NTM: variants seen among roughly 807,000 people sequenced by gnomAD.
NTM encodes IgLON family member 2.
Under a neutral mutation model 42.1 loss-of-function variants are expected in NTM, and 13 were observed. That is an observed-to-expected ratio of 0.31 (90% confidence interval 0.20 to 0.49). The LOEUF (loss-of-function observed/expected upper bound fraction) is 0.49, where lower values mean the gene tolerates loss of function less well. Among genes scored for constraint, NTM ranks in the 20% least tolerant of loss-of-function variants. NTM has a pLI of 0.99. For missense variants in NTM, 373 were observed against 452.8 expected, an observed-to-expected ratio of 0.82 and a Z score of 1.60; for synonymous variants, 187 against 179.2, an observed-to-expected ratio of 1.04 and a Z score of -0.35.
intron 1 of NTM, among the ~76,000 whole-genome samples, chr11:131,847,910 A>G (rs986600362): frequency 6.6e-6 from 1 of 152,130 alleles, no homozygotes; most frequent in Non-Finnish European, 1.5e-5. Flanking sequence ...AGTTGACGAG[A>G]TTTAAAATTA....
At chr11:132,093,535 C>T (rs1322080844) in intron 2 of NTM, among the ~76,000 whole-genome samples, 1 of 152,228 alleles carries the variant, frequency 6.6e-6, no homozygotes, top group Non-Finnish European at 1.5e-5. Flanking sequence ...GCACTTTAGA[C>T]ATCAACCACC....
At chr11:131,531,154 T>G (rs909965364) in intron 1 of NTM, among the ~76,000 whole-genome samples, 1 of 152,246 alleles carries the variant, frequency 6.6e-6, no homozygotes, top group Non-Finnish European at 1.5e-5. Flanking sequence ...TTTAATTCTT[T>G]TAGACAGGAT....
chr11:131,505,261 C>A (rs966177178), intron 1 of NTM, among the ~76,000 whole-genome samples: 1 of 152,124 alleles, frequency 6.6e-6, no homozygotes, highest in Non-Finnish European at 1.5e-5. Context: ...TGGTAACTAT[C>A]AAACAAGTAA....
chr11:132,073,945 G>C (rs2058034894), intron 2 of NTM, among the ~76,000 whole-genome samples: 1 of 152,114 alleles, frequency 6.6e-6, no homozygotes, highest in African/African-American at 2.4e-5. Flanking sequence ...GTCTGCTAAG[G>C]GGCTTCTTTC....
chr11:131,484,194 G>T (rs1453622158), intron 1 of NTM, among the ~76,000 whole-genome samples: 3 of 152,102 alleles, frequency 2.0e-5, no homozygotes, highest in Non-Finnish European at 4.4e-5. Flanking sequence ...TAAGTGTCCT[G>T]TCTCTACACA....
At chr11:131,528,807 G>A (rs2875369) in intron 1 of NTM, among the ~76,000 whole-genome samples, 1,835 of 152,314 alleles carry the variant, frequency 0.012, 20 homozygotes, top group Non-Finnish European at 0.019. Context: ...GCCTATGACT[G>A]TAGCTTATAT....
At chr11:132,082,977 C>A (rs1310848854) in intron 2 of NTM, among the ~76,000 whole-genome samples, 1 of 152,166 alleles carries the variant, frequency 6.6e-6, no homozygotes, top group Non-Finnish European at 1.5e-5. Flanking sequence ...GATTTGGGTG[C>A]ATGGCCCTTG....
intron 2 of NTM, among the ~76,000 whole-genome samples, chr11:132,085,030 C>T (rs1251161104): frequency 2.6e-5 from 4 of 152,162 alleles, no homozygotes; most frequent in Non-Finnish European, 5.9e-5. Flanking sequence ...TTTCAATGCT[C>T]AATTTACAGA....
Position 131,898,112 on chromosome 11 carries a change from A to G in NTM, c.83-13452A>G, listed in dbSNP as rs1451629328. Among the ~76,000 whole-genome samples, 6 of 152,278 alleles carry G rather than the reference A, an allele frequency of 3.9e-5. No homozygotes were observed. The South Asian group carries it at 1.2e-3, about 32-fold the overall frequency. On this transcript the variant is annotated intron_variant, in intron 1 of 8. Transcript: ENST00000683400. ...GGGATCAAAGTGGATTTGTTATGAG[A>G]GTGTGGTTAGCTATCTCTCCTAAGA... is the stretch of plus-strand genomic sequence containing the variant.
At chr11:131,517,001 G>A (rs1316392910) in intron 1 of NTM, among the ~76,000 whole-genome samples, 1 of 152,184 alleles carries the variant, frequency 6.6e-6, no homozygotes, top group Non-Finnish European at 1.5e-5. Context: ...GATGGGCATG[G>A]GGGAAGGGTC....
intron 1 of NTM, among the ~76,000 whole-genome samples, chr11:131,638,525 CA>C (rs2064711941): frequency 7.4e-6 from 1 of 135,476 alleles, no homozygotes; most frequent in African/African-American, 2.8e-5. Flanking sequence ...GAGATTGCAC[CA>C]TTGCATTCCA....
intron 4 of NTM, among the ~76,000 whole-genome samples, chr11:132,271,314 T>C (rs1470068661): frequency 6.6e-6 from 1 of 152,200 alleles, no homozygotes; most frequent in Non-Finnish European, 1.5e-5. Context: ...GACATTTGGG[T>C]TGCTTCCACC....
In NTM at chr11:132,003,057, C is replaced by T. The variant is rs1409938719; in HGVS notation, c.167+91409C>T. 1.3e-5 allele frequency among the ~76,000 whole-genome samples: 2 copies of T among 152,108 alleles called. No individual in the cohort carries two copies. Among genetic ancestry groups the T allele is most frequent in the Admixed American group, 6.5e-5 (1 of 15,272 alleles). ...GGGTTAGGAAAGTAACTAGTGAGCGCACTAAACAGTAAGATGCGCTGCCAC... is the reference window on the plus strand; with the variant it reads ...GGGTTAGGAAAGTAACTAGTGAGCGTACTAAACAGTAAGATGCGCTGCCAC... On this transcript the variant is annotated intron_variant, in intron 2 of 8. Transcript: ENST00000683400. The surrounding 1 kb of genome is among the most constrained non-coding windows in gnomAD (Gnocchi z 6.0).
chr11:131,435,527 T>C (rs1949050464), intron 1 of NTM, among the ~76,000 whole-genome samples: 1 of 152,224 alleles, frequency 6.6e-6, no homozygotes, highest in South Asian at 2.1e-4. Context: ...GTTGGATTCC[T>C]AGTTATTTGA....
rs79730410 is a variant in NTM, at chr11:131,997,526, G to A, written c.167+85878G>A. On this transcript the variant is annotated intron_variant, in intron 2 of 8. Transcript: ENST00000683400. ...CATGGTGGTGGTGAGCATGCGGGCA[G>A]TGGGTTTGCAGGCATAGCACAGGCT... 7.7e-3 allele frequency among the ~76,000 whole-genome samples: 1,178 copies of A among 152,324 alleles called. 22 individuals carry two copies. Among genetic ancestry groups the A allele is most frequent in the African/African-American group, 0.027 (1,126 of 41,568 alleles).
intron 1 of NTM, among the ~76,000 whole-genome samples, chr11:131,415,485 A>T (rs186748084): frequency 6.6e-6 from 1 of 152,220 alleles, no homozygotes. Context: ...CATATACCAC[A>T]TTATTAAGCA....
At chr11:132,129,449 T>C (rs1299692992) in intron 2 of NTM, among the ~76,000 whole-genome samples, 1 of 152,154 alleles carries the variant, frequency 6.6e-6, no homozygotes, top group Non-Finnish European at 1.5e-5. Flanking sequence ...AGCCGATGTA[T>C]CAGAACTCTG....
intron 7 of NTM, among the ~76,000 whole-genome samples, chr11:132,319,897 C>T (rs571549961): frequency 4.1e-4 from 62 of 152,280 alleles, no homozygotes; most frequent in South Asian, 2.3e-3. Flanking sequence ...CTCACACAGC[C>T]GGGTACTCCT....
At chr11:131,424,077 T>C (rs967458136) in intron 1 of NTM, among the ~76,000 whole-genome samples, 3 of 152,150 alleles carry the variant, frequency 2.0e-5, no homozygotes, top group Non-Finnish European at 2.9e-5. Flanking sequence ...GCAAATAAAC[T>C]CTAATGACTT....
Sources: allele counts gnomAD v4.1 joint callset (sites outside exome capture counted in the v4.1 genomes callset), GRCh38; gene constraint gnomAD v4.1.1; non-coding constraint Gnocchi (gnomAD v3.1); transcripts MANE v1.5; gene names NCBI Gene and HGNC (gene_info 2026-07-23, HGNC 2026-07-21).